PRKCA: variants seen among roughly 807,000 people sequenced by gnomAD.
The protein encoded by PRKCA is protein kinase C alpha type.
PRKCA carries 27 observed loss-of-function variants against 87.0 expected under a neutral mutation model. The observed-to-expected ratio is 0.31, with a 90% CI of 0.23 to 0.43. PRKCA has a LOEUF of 0.43. PRKCA is among the 20% of genes least tolerant of loss of function. The pLI, the probability that PRKCA is intolerant of heterozygous loss-of-function variation, is 1.00. For missense variants in PRKCA, 518 were observed against 852.3 expected (o/e 0.61, Z 4.88); for synonymous variants, 329 against 311.1 (o/e 1.06, Z -0.61).
chr17:66,777,881 C>T (rs1041228374), intron 14 of PRKCA: 26 of 985,304 alleles, frequency 2.6e-5, no homozygotes, highest in African/African-American at 1.9e-4. Flanking sequence ...TCCTCCCTCC[C>T]GCAGCCTGGC....
chr17:66,727,724 G>T (rs1973790807), intron 8 of PRKCA, among the ~76,000 whole-genome samples: 1 of 152,182 alleles, frequency 6.6e-6, no homozygotes, highest in South Asian at 2.1e-4. Flanking sequence ...ACCTGAAGAA[G>T]TGGGAGAGGT....
chr17:66,371,039 AAG>A (rs2143534585), intron 2 of PRKCA, among the ~76,000 whole-genome samples: 1 of 152,328 alleles, frequency 6.6e-6, no homozygotes, highest in African/African-American at 2.4e-5. Flanking sequence ...TTTCCAACAA[AAG>A]AGAACAAATT....
At chr17:66,480,291 C>T (rs1915722288) in intron 2 of PRKCA, among the ~76,000 whole-genome samples, 1 of 152,150 alleles carries the variant, frequency 6.6e-6, no homozygotes, top group African/African-American at 2.4e-5. Context: ...TTTTTGGAGG[C>T]TCCTGGCCCC....
intron 8 of PRKCA, among the ~76,000 whole-genome samples, chr17:66,725,004 A>C (rs1178797601): frequency 6.6e-6 from 1 of 152,220 alleles, no homozygotes; most frequent in Non-Finnish European, 1.5e-5. Flanking sequence ...GATCTTGGGC[A>C]AGCCAGACTT....
intron 3 of PRKCA, among the ~76,000 whole-genome samples, chr17:66,523,532 C>T (rs551930684): frequency 6.6e-6 from 1 of 152,220 alleles, no homozygotes; most frequent in South Asian, 2.1e-4. Flanking sequence ...GCTCTTTGCC[C>T]AGCATATAGT....
chr17:66,631,124 A>G (rs1182279375), intron 3 of PRKCA, among the ~76,000 whole-genome samples: 1 of 152,154 alleles, frequency 6.6e-6, no homozygotes, highest in East Asian at 1.9e-4. Flanking sequence ...AAAGTCCCTA[A>G]GTGAAAAGTG....
chr17:66,318,597 A>C (rs1905456790), intron 2 of PRKCA, among the ~76,000 whole-genome samples: 1 of 152,160 alleles, frequency 6.6e-6, no homozygotes, highest in South Asian at 2.1e-4. Context: ...GCTCACGCCT[A>C]TAATCCCAGC....
intron 2 of PRKCA, among the ~76,000 whole-genome samples, chr17:66,482,763 G>A (rs1224738535): frequency 1.3e-5 from 2 of 152,180 alleles, no homozygotes; most frequent in Non-Finnish European, 1.5e-5. Context: ...TTGGATTAAA[G>A]TAATATATTT....
At position 66,808,483 on chromosome 17, in the gene PRKCA, A is replaced by G. The variant is rs1976091241; in HGVS notation, c.*4446A>G. On this transcript the variant is annotated 3_prime_UTR_variant, in exon 17 of 17. Coordinates refer to ENST00000413366, the MANE Select transcript of PRKCA (RefSeq NM_002737.3). ...ATTTCTTGTGTGTGCACATCACACC[A>G]TTTCCTGTTTCTTTATAACCCGACA... 6.6e-6 allele frequency: 1 copy of G among 152,432 alleles called. No homozygotes were observed. Among genetic ancestry groups the G allele is most frequent in the Non-Finnish European group, 1.5e-5 (1 of 68,026 alleles). The allele number at this position is 152,432 out of a possible 1,614,324, so 9.4% of individuals were successfully genotyped here.
At position 66,745,371 on chromosome 17, in the gene PRKCA, G is replaced by T. The variant is rs78923971; in HGVS notation, c.1524+2611G>T. 3.9e-3 allele frequency among the ~76,000 whole-genome samples: 594 copies of T among 152,260 alleles called. 6 individuals are homozygous for T. Among genetic ancestry groups the T allele is most frequent in the African/African-American group, 0.014 (571 of 41,544 alleles). ...GTGACCACCTTCTATTGTCTACCGTGTGCCAGGCACATGATAAACTTTCTC... is the reference window on the plus strand; with the variant it reads ...GTGACCACCTTCTATTGTCTACCGTTTGCCAGGCACATGATAAACTTTCTC... On this transcript the variant is annotated intron_variant, in intron 13 of 16. Transcript: ENST00000413366.
chr17:66,435,775 C>T (rs1228461436), intron 2 of PRKCA, among the ~76,000 whole-genome samples: 1 of 152,094 alleles, frequency 6.6e-6, no homozygotes, highest in Non-Finnish European at 1.5e-5. Flanking sequence ...TGGTCTTAAG[C>T]TGTGTCTTAA....
intron 3 of PRKCA, among the ~76,000 whole-genome samples, chr17:66,517,723 A>G (rs1967012613): frequency 6.6e-6 from 1 of 152,202 alleles, no homozygotes; most frequent in Non-Finnish European, 1.5e-5. Context: ...ATAGTTACTG[A>G]GAAAAAAGAA....
At chr17:66,448,631 G>A (rs933088807) in intron 2 of PRKCA, among the ~76,000 whole-genome samples, 13 of 152,208 alleles carry the variant, frequency 8.5e-5, no homozygotes, top group East Asian at 5.8e-4. Context: ...CATAATTCAC[G>A]TTATAAGGAA....
At chr17:66,749,619 A>G (rs1169117735) in intron 13 of PRKCA, among the ~76,000 whole-genome samples, 1 of 152,112 alleles carries the variant, frequency 6.6e-6, no homozygotes. Context: ...GCAGAATTTC[A>G]TCTGGTGTTG....
intron 2 of PRKCA, among the ~76,000 whole-genome samples, chr17:66,378,755 G>C (rs1012602682): frequency 2.6e-5 from 4 of 152,028 alleles, no homozygotes; most frequent in African/African-American, 9.7e-5. Flanking sequence ...ACAAAAATTA[G>C]CCTGGCGTGG....
intron 8 of PRKCA, among the ~76,000 whole-genome samples, chr17:66,695,469 T>C (rs1972894080): frequency 6.6e-6 from 1 of 152,248 alleles, no homozygotes; most frequent in East Asian, 1.9e-4. Flanking sequence ...CATGTGCTGT[T>C]AACAGTTAAT....
chr17:66,489,357 A>G (rs1162845561), intron 2 of PRKCA, among the ~76,000 whole-genome samples: 4 of 27,118 alleles, frequency 1.5e-4, no homozygotes, highest in African/African-American at 8.1e-4. Context: ...CAGTGCATAT[A>G]TATATATATA....
chr17:66,697,978 A>G (rs1398033346), intron 8 of PRKCA, among the ~76,000 whole-genome samples: 1 of 152,246 alleles, frequency 6.6e-6, no homozygotes, highest in Non-Finnish European at 1.5e-5. Flanking sequence ...CAGGATTGAA[A>G]GAAGGCATGC....
chr17:66,514,469 G>A (rs1332961035), intron 3 of PRKCA, among the ~76,000 whole-genome samples: 4 of 152,136 alleles, frequency 2.6e-5, no homozygotes, highest in Non-Finnish European at 5.9e-5. Flanking sequence ...ATTCAAACGT[G>A]AGTAATAGAA....
Sources: allele counts gnomAD v4.1 joint callset (sites outside exome capture counted in the v4.1 genomes callset), GRCh38; gene constraint gnomAD v4.1.1; transcripts MANE v1.5; gene names NCBI Gene and HGNC (gene_info 2026-07-23, HGNC 2026-07-21).